The following RABGAP1L variants were observed in gnomAD, a reference collection of about 807,000 sequenced individuals.
RABGAP1L encodes RAB GTPase activating protein 1 like.
Under a neutral mutation model 137.7 loss-of-function variants are expected in RABGAP1L, and 63 were observed. The ratio of observed to expected loss-of-function variants is 0.46; its 90% CI spans 0.37 to 0.56. The LOEUF (loss-of-function observed/expected upper bound fraction) is 0.56. Among genes scored for constraint, RABGAP1L ranks in the 20% least tolerant of loss-of-function variants. RABGAP1L has a pLI of 0.00. For synonymous variants in RABGAP1L, 431 were observed against 433.7 expected (o/e 0.99, Z 0.08); for missense variants, 1,095 against 1,244.0 (o/e 0.88, Z 1.80).
At chr1:174,384,219 G>GGAT in intron 12 of RABGAP1L, among the ~76,000 whole-genome samples, 1 of 152,314 alleles carries the variant, frequency 6.6e-6, no homozygotes, top group East Asian at 1.9e-4. Flanking sequence ...TTCTGGAAAA[G>GGAT]TCAAAACTAT....
chr1:174,597,033 T>A (rs940057726), intron 13 of RABGAP1L, among the ~76,000 whole-genome samples: 3 of 152,334 alleles, frequency 2.0e-5, no homozygotes. Flanking sequence ...GATTTGCATA[T>A]GTTGAACCAT....
Position 174,789,107 on chromosome 1 carries a change from A to G in RABGAP1L, c.2212-22725A>G, listed in dbSNP as rs1018942261. Among the ~76,000 whole-genome samples, 3 of 152,150 alleles carry G rather than the reference A, an allele frequency of 2.0e-5. No homozygotes were observed. In the East Asian group the frequency reaches 5.8e-4, roughly 29 times the overall value. ...AGTTCACAGGATACTCTAAATACCAATATTATGATATCCTTATTTTTAAAT... is the reference window on the plus strand; with the variant it reads ...AGTTCACAGGATACTCTAAATACCAGTATTATGATATCCTTATTTTTAAAT... On this transcript the variant is annotated intron_variant, in intron 18 of 25. Transcript: ENST00000681986.
intron 1 of RABGAP1L, among the ~76,000 whole-genome samples, chr1:174,176,968 C>T (rs1157031038): frequency 2.0e-5 from 3 of 151,832 alleles, no homozygotes; most frequent in Non-Finnish European, 4.4e-5. Context: ...CCCAGCTACT[C>T]GGGAGGCTGA....
intron 1 of RABGAP1L, among the ~76,000 whole-genome samples, chr1:174,208,563 A>G (rs905964511): frequency 2.6e-5 from 4 of 152,066 alleles, no homozygotes; most frequent in Non-Finnish European, 5.9e-5. Context: ...TCTTTAGCCT[A>G]TTGATATGTA....
At chr1:174,184,666 T>C (rs1259119848) in intron 1 of RABGAP1L, among the ~76,000 whole-genome samples, 2 of 152,096 alleles carry the variant, frequency 1.3e-5, no homozygotes, top group Non-Finnish European at 1.5e-5. Context: ...CCCAGACAAA[T>C]TGGGGCTTTG....
chr1:174,423,655 T>C (rs1481978821), intron 13 of RABGAP1L, among the ~76,000 whole-genome samples: 2 of 152,184 alleles, frequency 1.3e-5, no homozygotes, highest in Non-Finnish European at 2.9e-5. Context: ...ACCAATTTTC[T>C]CTAAACCCTT....
intron 14 of RABGAP1L, among the ~76,000 whole-genome samples, chr1:174,659,453 T>C (rs1358605134): frequency 6.6e-6 from 1 of 152,214 alleles, no homozygotes; most frequent in African/African-American, 2.4e-5. Flanking sequence ...TCGTGCACTG[T>C]TGATCACTCC....
intron 1 of RABGAP1L, among the ~76,000 whole-genome samples, chr1:174,192,725 T>C (rs1354662862): frequency 6.6e-6 from 1 of 152,184 alleles, no homozygotes; most frequent in Non-Finnish European, 1.5e-5. Flanking sequence ...GTGGTGAATA[T>C]TACAGTATTG....
chr1:174,477,858 G>A (rs377268320), intron 13 of RABGAP1L, among the ~76,000 whole-genome samples: 24 of 152,066 alleles, frequency 1.6e-4, no homozygotes, highest in African/African-American at 5.5e-4. Context: ...GCTTAAATTA[G>A]CATTTAGAGA....
At chr1:174,760,468 C>T (rs1347870894) in intron 18 of RABGAP1L, among the ~76,000 whole-genome samples, 1 of 152,160 alleles carries the variant, frequency 6.6e-6, no homozygotes, top group African/African-American at 2.4e-5. Flanking sequence ...CGGATGATGG[C>T]CTCCAGCTGC....
chr1:174,182,696 A>G (rs1666472861), intron 1 of RABGAP1L, among the ~76,000 whole-genome samples: 2 of 152,142 alleles, frequency 1.3e-5, no homozygotes, highest in Non-Finnish European at 2.9e-5. Context: ...CTCCCATCCT[A>G]TCCTCTCTCC....
intron 14 of RABGAP1L, among the ~76,000 whole-genome samples, chr1:174,641,160 A>G (rs1674505177): frequency 6.6e-6 from 1 of 151,918 alleles, no homozygotes; most frequent in Non-Finnish European, 1.5e-5. Flanking sequence ...TTCAGTGACA[A>G]TAAGTTTAGA....
intron 13 of RABGAP1L, among the ~76,000 whole-genome samples, chr1:174,581,064 T>C (rs1668712494): frequency 6.6e-6 from 1 of 152,198 alleles, no homozygotes; most frequent in Admixed American, 6.5e-5. Flanking sequence ...CCTTATACAC[T>C]GCTGGTTGGA....
chr1:174,744,374 G>A (rs1683702658), intron 17 of RABGAP1L, among the ~76,000 whole-genome samples: 2 of 152,150 alleles, frequency 1.3e-5, no homozygotes, highest in Non-Finnish European at 2.9e-5. Context: ...TTAATTATCT[G>A]TCACTTTCAC....
intron 11 of RABGAP1L, among the ~76,000 whole-genome samples, chr1:174,341,412 C>T (rs552946362): frequency 5.3e-5 from 8 of 152,226 alleles, no homozygotes; most frequent in African/African-American, 2.4e-5. Flanking sequence ...TGTATGATTT[C>T]TTTATCAACA....
At position 174,510,359 on chromosome 1, in the gene RABGAP1L, C is replaced by T. The variant is rs141254260; in HGVS notation, c.1710+116214C>T. On this transcript the variant is annotated intron_variant, in intron 13 of 25. Coordinates refer to ENST00000681986, the MANE Select transcript of RABGAP1L (RefSeq NM_001366446.1). Reference sequence around the variant, plus strand: ...TAGCAAGTAAAACCTATATGTCACACGTAGCAGGTACTCAGTAAATATTTG... The same window carrying T: ...TAGCAAGTAAAACCTATATGTCACATGTAGCAGGTACTCAGTAAATATTTG... Among the ~76,000 whole-genome samples, 180 of 152,200 alleles carry T rather than the reference C, an allele frequency of 1.2e-3. 1 individual carries two copies. The highest frequency in any genetic ancestry group is 4.2e-3 in the African/African-American group (174 of 41,526).
chr1:174,299,994 T>C (rs890435715), intron 10 of RABGAP1L, among the ~76,000 whole-genome samples: 3 of 152,170 alleles, frequency 2.0e-5, no homozygotes, highest in African/African-American at 7.2e-5. Context: ...GACAAATAAG[T>C]GTGGTTATTT....
chr1:174,377,615 A>G (rs549549280), intron 12 of RABGAP1L, among the ~76,000 whole-genome samples: 2 of 152,308 alleles, frequency 1.3e-5, no homozygotes, highest in African/African-American at 4.8e-5. Flanking sequence ...GCTCAATATC[A>G]TTAACCATCA....
intron 13 of RABGAP1L, among the ~76,000 whole-genome samples, chr1:174,562,079 T>A (rs1295492082): frequency 6.6e-6 from 1 of 152,132 alleles, no homozygotes; most frequent in African/African-American, 2.4e-5. Flanking sequence ...ATCTACAGAA[T>A]TGGAGAAAAT....
Sources: gnomAD v4.1 joint callset for allele counts (sites outside exome capture counted in the v4.1 genomes callset) on GRCh38, gnomAD v4.1.1 for gene constraint, MANE v1.5 for transcripts, NCBI Gene and HGNC (gene_info 2026-07-23, HGNC 2026-07-21) for gene names.